NAA11: variants seen among roughly 807,000 people sequenced by gnomAD.
NAA11 encodes the protein N-alpha-acetyltransferase 11.
NAA11 carries 15 observed loss-of-function variants against 16.1 expected under a neutral mutation model. That is an observed-to-expected ratio of 0.93 (90% CI 0.62 to 1.44). The LOEUF is 1.44. NAA11 is among the 40% of genes most tolerant of loss of function. NAA11 has a pLI of 0.00. For missense variants in NAA11, 298 were observed against 291.3 expected (o/e 1.02, Z -0.17); for synonymous variants, 122 against 112.4 (o/e 1.09, Z -0.54).
At chr4:79,155,961 A>G in the NAA11 span, among the ~76,000 whole-genome samples, 2 of 152,228 alleles carry the variant, frequency 1.3e-5, no homozygotes, top group African/African-American at 4.8e-5. Context: ...GGACAGTTAC[A>G]AGGCAGGTGA....
At chr4:79,263,161 T>G (rs1454999693) in intron 2 of NAA11, among the ~76,000 whole-genome samples, 1 of 152,130 alleles carries the variant, frequency 6.6e-6, no homozygotes, top group Non-Finnish European at 1.5e-5. Context: ...CAGTGACTAG[T>G]GCATAATAGA....
intron 2 of NAA11, among the ~76,000 whole-genome samples, chr4:79,229,777 A>T (rs938719608): frequency 3.3e-5 from 5 of 151,976 alleles, no homozygotes; most frequent in African/African-American, 1.2e-4. Context: ...ACAAGATAGA[A>T]GTGGGGCATA....
chr4:79,178,467 A>T, the NAA11 span, among the ~76,000 whole-genome samples: 6 of 152,354 alleles, frequency 3.9e-5, no homozygotes, highest in East Asian at 1.2e-3. Flanking sequence ...ATAATGACCT[A>T]TGTCAAATAC....
At chr4:79,178,608 C>G in the NAA11 span, among the ~76,000 whole-genome samples, 1 of 152,152 alleles carries the variant, frequency 6.6e-6, no homozygotes, top group East Asian at 1.9e-4. Context: ...TTTTATATAG[C>G]AGAAACATGG....
chr4:79,182,743 C>A, the NAA11 span, among the ~76,000 whole-genome samples: 2 of 152,046 alleles, frequency 1.3e-5, no homozygotes, highest in African/African-American at 4.8e-5. Context: ...TGGGGGGGAC[C>A]AATGGCAACT....
intron 2 of NAA11, among the ~76,000 whole-genome samples, chr4:79,243,232 C>A (rs1239996247): frequency 6.6e-6 from 1 of 152,164 alleles, no homozygotes; most frequent in African/African-American, 2.4e-5. Flanking sequence ...ATAACATGTT[C>A]TCAATTGGAA....
downstream of NAA11, among the ~76,000 whole-genome samples, chr4:79,312,646 CAAAAAAAAAAAA>C (rs544315352): frequency 1.6e-4 from 11 of 69,448 alleles, no homozygotes; most frequent in African/African-American, 5.5e-4. Flanking sequence ...GACTCCATCT[CAAAAAAAAAAAA>C]AAAAAAAAAA....
At chr4:79,190,456 C>CTTT in the NAA11 span, among the ~76,000 whole-genome samples, 18 of 142,570 alleles carry the variant, frequency 1.3e-4, no homozygotes, top group Admixed American at 4.2e-4. Flanking sequence ...TTGTCTCTCC[C>CTTT]TTTTTTTTTT....
chr4:79,273,146 A>C (rs1056899871), intron 2 of NAA11, among the ~76,000 whole-genome samples: 1 of 151,972 alleles, frequency 6.6e-6, no homozygotes, highest in African/African-American at 2.4e-5. Flanking sequence ...GTCAGCCGAG[A>C]TTCAAAGGAC....
the NAA11 span, among the ~76,000 whole-genome samples, chr4:79,158,821 C>A: frequency 6.6e-6 from 1 of 151,300 alleles, no homozygotes; most frequent in African/African-American, 2.4e-5. Context: ...ATACTTAGAG[C>A]AAACTGATCC....
At chr4:79,209,539 G>A in the NAA11 span, among the ~76,000 whole-genome samples, 1 of 152,136 alleles carries the variant, frequency 6.6e-6, no homozygotes, top group Middle Eastern at 3.4e-3. Context: ...CAAATGCTGG[G>A]AAAGTATTCA....
the NAA11 span, among the ~76,000 whole-genome samples, chr4:79,202,623 T>TATATATATATATA: frequency 1.9e-5 from 1 of 52,622 alleles, no homozygotes; most frequent in Non-Finnish European, 4.5e-5. Flanking sequence ...ATATATAGTT[T>TATATATATATATA]TATATATATA....
the NAA11 span, among the ~76,000 whole-genome samples, chr4:79,158,698 G>GAT: frequency 0.2 from 22,092 of 111,858 alleles, 3,794 homozygotes; most frequent in Non-Finnish European, 0.29. Context: ...CACATTACCT[G>GAT]ATATATATAT....
At chr4:79,221,766 A>G (rs1428957429), downstream of NAA11, among the ~76,000 whole-genome samples, 2 of 131,770 alleles carry the variant, frequency 1.5e-5, no homozygotes, top group Non-Finnish European at 1.7e-5. Context: ...GTGCTGCTGG[A>G]TTCGTTTTGC....
chr4:79,258,421 C>T (rs1722171813), intron 2 of NAA11, among the ~76,000 whole-genome samples: 1 of 152,262 alleles, frequency 6.6e-6, no homozygotes, highest in Non-Finnish European at 1.5e-5. Context: ...CTGTCAGCAC[C>T]TACTTTGATC....
intron 1 of NAA11, chr4:79,306,922 AT>A (rs1560466124): frequency 2.0e-5 from 3 of 152,226 alleles, no homozygotes; most frequent in Non-Finnish European, 4.4e-5. Flanking sequence ...TTGTATAGCT[AT>A]AGTCAAAGCT....
chr4:79,309,941 T>C (rs995709694), intron 1 of NAA11, among the ~76,000 whole-genome samples: 1 of 152,092 alleles, frequency 6.6e-6, no homozygotes. Flanking sequence ...GGTCTTGATC[T>C]CCTGACCTCG....
chr4:79,191,463 G>T, the NAA11 span, among the ~76,000 whole-genome samples: 1 of 151,786 alleles, frequency 6.6e-6, no homozygotes, highest in South Asian at 2.1e-4. Context: ...TAGGCTTGTT[G>T]GCTGCATGTA....
intron 2 of NAA11, chr4:79,244,558 C>T (rs1251470838): frequency 1.3e-5 from 2 of 150,366 alleles, no homozygotes; most frequent in African/African-American, 4.9e-5. Context: ...ACTAAGTAAA[C>T]TAAAATGTAA....
Sources: gnomAD v4.1 joint callset for allele counts (sites outside exome capture counted in the v4.1 genomes callset) on GRCh38, gnomAD v4.1.1 for gene constraint, MANE v1.5 for transcripts, NCBI Gene and HGNC (gene_info 2026-07-23, HGNC 2026-07-21) for gene names.